The following RRM2 variants were observed in gnomAD, a reference collection of about 807,000 sequenced individuals.
RRM2 encodes the protein ribonucleoside-diphosphate reductase subunit M2.
A neutral mutation model predicts 45.9 loss-of-function variants in RRM2; 6 were observed. That is an observed-to-expected ratio of 0.13 (90% CI 0.07 to 0.26). RRM2 has a LOEUF of 0.26. Ranked by LOEUF, RRM2 falls within the 10% of genes least tolerant of loss-of-function variation. RRM2 has a pLI of 1.00. For missense variants in RRM2, 343 were observed against 489.5 expected (o/e 0.70, Z 2.82); for synonymous variants, 177 against 173.0 (o/e 1.02, Z -0.18).
chr2:10,125,529 C>T (rs1419849258), intron 5 of RRM2, among the ~76,000 whole-genome samples: 1 of 152,114 alleles, frequency 6.6e-6, no homozygotes, highest in Non-Finnish European at 1.5e-5. Context: ...CACGGTGAAA[C>T]CCCGTCTCTA....
At chr2:10,193,871 C>T (rs577300338) in intron 3 of RRM2, among the ~76,000 whole-genome samples, 12 of 152,310 alleles carry the variant, frequency 7.9e-5, no homozygotes, top group Admixed American at 2.6e-4. Flanking sequence ...TCAAAACGAC[C>T]AGCAAGAAAG....
At chr2:10,160,262 A>G (rs1055653884) in intron 3 of RRM2, among the ~76,000 whole-genome samples, 14 of 152,200 alleles carry the variant, frequency 9.2e-5, no homozygotes, top group Admixed American at 9.2e-4. Context: ...AGCATTTTGT[A>G]TCAAATCCAA....
rs763858193 is a variant in RRM2, at chr2:10,210,596, A to G, written n.768A>G. ...ATTCTCAGACCCCCCAGGGCCCCAT[A>G]GACAGCAGATCTGCTGCTTTCAATC... is the stretch of plus-strand genomic sequence containing the variant. On this transcript the variant is annotated non_coding_transcript_exon_variant, in exon 4 of 4. Transcript: ENST00000381786. 2.9e-6 allele frequency: 4 copies of G among 1,364,898 alleles called. No individual in the cohort carries two copies. In the African/African-American group the frequency reaches 5.9e-5, roughly 20 times the overall value. 84.5% of individuals were successfully genotyped at this position (1,364,898 alleles called of 1,614,324 possible). A position where few individuals can be genotyped will look rare whatever the true frequency, so the allele number is the denominator to read the frequency against.
chr2:10,136,012 C>G (rs1199937666), downstream of RRM2, among the ~76,000 whole-genome samples: 1 of 152,004 alleles, frequency 6.6e-6, no homozygotes, highest in Non-Finnish European at 1.5e-5. Flanking sequence ...CCTAGGTTTG[C>G]TTTTATGCCA....
At chr2:10,192,408 T>G (rs1332279754) in intron 3 of RRM2, among the ~76,000 whole-genome samples, 1 of 152,162 alleles carries the variant, frequency 6.6e-6, no homozygotes, top group East Asian at 1.9e-4. Flanking sequence ...CTAGAACCTC[T>G]CCCTACAGCA....
chr2:10,126,008 C>CGACA (rs1291217950), intron 5 of RRM2, among the ~76,000 whole-genome samples: 2 of 151,598 alleles, frequency 1.3e-5, no homozygotes, highest in Non-Finnish European at 2.9e-5. Context: ...AAAGAATGAA[C>CGACA]GACAGCTGGG....
At chr2:10,174,534 C>T (rs1350664870) in intron 3 of RRM2, among the ~76,000 whole-genome samples, 1 of 148,664 alleles carries the variant, frequency 6.7e-6, no homozygotes, top group Non-Finnish European at 1.5e-5. Flanking sequence ...TCACTCTCTT[C>T]AGAAGACCTC....
In RRM2 at chr2:10,172,967, C is replaced by T. The variant is rs1274516469; in HGVS notation, n.482+30592C>T. Among the ~76,000 whole-genome samples the T allele has an allele frequency of 6.6e-6, 1 of 152,190 alleles. No individual in the cohort carries two copies. The highest frequency in any genetic ancestry group is 1.5e-5 in the Non-Finnish European group (1 of 68,036). Reference sequence around the variant, plus strand: ...GTTGAATGGAAAATCCAGTTTCCTTCGCCGTCTTCCTTGTCTGTCCTCTCC... The same window carrying T: ...GTTGAATGGAAAATCCAGTTTCCTTTGCCGTCTTCCTTGTCTGTCCTCTCC... On this transcript the variant is annotated intron_variant and non_coding_transcript_variant, in intron 3 of 3. Transcript: ENST00000381786. The surrounding 1 kb of genome is among the most constrained non-coding windows in gnomAD (Gnocchi z 4.9).
intron 3 of RRM2, among the ~76,000 whole-genome samples, chr2:10,151,082 G>T (rs1663303162): frequency 6.6e-6 from 1 of 152,080 alleles, no homozygotes; most frequent in Non-Finnish European, 1.5e-5. Flanking sequence ...ACCATTGCTG[G>T]AATTACAGGC....
At chr2:10,193,462 A>G (rs1318610576) in intron 3 of RRM2, among the ~76,000 whole-genome samples, 1 of 152,088 alleles carries the variant, frequency 6.6e-6, no homozygotes, top group Non-Finnish European at 1.5e-5. Context: ...AGTGTCCCCC[A>G]CTGTCCCTCC....
intron 3 of RRM2, among the ~76,000 whole-genome samples, chr2:10,189,158 C>T (rs1383330852): frequency 1.3e-5 from 2 of 152,258 alleles, no homozygotes; most frequent in Non-Finnish European, 2.9e-5. Context: ...CCCCAGAACA[C>T]ACGCCCTTCC....
chr2:10,132,344 T>C (rs148037519), downstream of RRM2, among the ~76,000 whole-genome samples: 1 of 152,192 alleles, frequency 6.6e-6, no homozygotes, highest in East Asian at 1.9e-4. Context: ...ATCTGAATTG[T>C]TGGGCAGTGG....
chr2:10,132,277 G>A (rs1306397845), downstream of RRM2, among the ~76,000 whole-genome samples: 1 of 152,172 alleles, frequency 6.6e-6, no homozygotes, highest in Non-Finnish European at 1.5e-5. Flanking sequence ...CAGAGGGGAG[G>A]CCCCTCCCTC....
intron 3 of RRM2, among the ~76,000 whole-genome samples, chr2:10,167,027 G>T (rs553109120): frequency 6.6e-6 from 1 of 152,282 alleles, no homozygotes; most frequent in South Asian, 2.1e-4. Context: ...TTGAGAACAC[G>T]GCTAAGAACT....
chr2:10,201,266 A>C (rs1664566028), intron 3 of RRM2, among the ~76,000 whole-genome samples: 1 of 152,218 alleles, frequency 6.6e-6, no homozygotes, highest in Non-Finnish European at 1.5e-5. Flanking sequence ...TCGGGAGAAA[A>C]CCAGGCAGAG....
intron 3 of RRM2, among the ~76,000 whole-genome samples, chr2:10,191,995 G>T (rs116783594): frequency 0.012 from 1,887 of 152,258 alleles, 42 homozygotes; most frequent in African/African-American, 0.043. Context: ...TTGATGTAAG[G>T]CCTCAAGCGG....
chr2:10,154,065 A>G (rs1172960929), intron 3 of RRM2, among the ~76,000 whole-genome samples: 2 of 152,248 alleles, frequency 1.3e-5, no homozygotes, highest in Admixed American at 1.3e-4. Flanking sequence ...ACAATTAAAG[A>G]GTATTTTTAA....
intron 3 of RRM2, among the ~76,000 whole-genome samples, chr2:10,190,490 G>A (rs1486954092): frequency 6.7e-6 from 1 of 150,006 alleles, no homozygotes; most frequent in Non-Finnish European, 1.5e-5. Flanking sequence ...CGATGGTGGG[G>A]TTGGTGGTGA....
chr2:10,163,336 G>C (rs1346133578), intron 3 of RRM2, among the ~76,000 whole-genome samples: 1 of 135,872 alleles, frequency 7.4e-6, no homozygotes, highest in East Asian at 2.7e-4. Context: ...CGGGCGGGGG[G>C]GTGGGGGGGC....
Sources: allele counts gnomAD v4.1 joint callset (sites outside exome capture counted in the v4.1 genomes callset), GRCh38; gene constraint gnomAD v4.1.1; non-coding constraint Gnocchi (gnomAD v3.1); transcripts MANE v1.5; gene names NCBI Gene and HGNC (gene_info 2026-07-23, HGNC 2026-07-21).